The following GRIP1 variants were observed in gnomAD, a reference collection of about 807,000 sequenced individuals.
GRIP1 encodes the protein glutamate receptor interacting protein 1.
A neutral mutation model predicts 129.9 loss-of-function variants in GRIP1; 45 were observed. The observed-to-expected ratio is 0.35, with a 90% confidence interval of 0.27 to 0.44. The LOEUF (loss-of-function observed/expected upper bound fraction) is 0.44. GRIP1 is among the 20% of genes least tolerant of loss of function. The pLI, the probability that GRIP1 is intolerant of heterozygous loss-of-function variation, is 1.00. For synonymous variants in GRIP1, 530 were observed against 520.8 expected, an observed-to-expected ratio of 1.02 and a Z score of -0.24; for missense variants, 1,196 against 1,396.8, an observed-to-expected ratio of 0.86 and a Z score of 2.29.
intron 1 of GRIP1, among the ~76,000 whole-genome samples, chr12:66,738,844 A>G (rs1188044940): frequency 1.3e-5 from 2 of 152,198 alleles, no homozygotes; most frequent in Non-Finnish European, 2.9e-5. Flanking sequence ...ATGAAGGTGT[A>G]TATCTGTTTC....
intron 1 of GRIP1, among the ~76,000 whole-genome samples, chr12:66,651,361 G>A (rs2032781026): frequency 6.6e-6 from 1 of 152,182 alleles, no homozygotes; most frequent in Non-Finnish European, 1.5e-5. Flanking sequence ...CTGGAGGAGA[G>A]GCATCAGCAA....
intron 7 of GRIP1, among the ~76,000 whole-genome samples, chr12:66,503,007 G>A (rs765450101): frequency 3.3e-5 from 5 of 152,140 alleles, no homozygotes; most frequent in Non-Finnish European, 5.9e-5. Flanking sequence ...AATGTCAGGT[G>A]ATTATCAGGT....
chr12:66,362,140 ATCTT>A (rs869074418), intron 23 of GRIP1, among the ~76,000 whole-genome samples: 1 of 117,754 alleles, frequency 8.5e-6, no homozygotes, highest in African/African-American at 3.2e-5. Context: ...TACCAATTTA[ATCTT>A]TTTTTTTTTT....
chr12:66,602,623 G>T (rs993511733), intron 1 of GRIP1, among the ~76,000 whole-genome samples: 3 of 152,078 alleles, frequency 2.0e-5, no homozygotes, highest in Non-Finnish European at 4.4e-5. Context: ...GAAGATTAGG[G>T]AATGATCTGA....
chr12:67,019,018 A>G (rs545167137), intron 1 of GRIP1, among the ~76,000 whole-genome samples: 1 of 152,284 alleles, frequency 6.6e-6, no homozygotes, highest in South Asian at 2.1e-4. Flanking sequence ...TTAAATTCAC[A>G]TTATTAAATG....
intron 2 of GRIP1, among the ~76,000 whole-genome samples, chr12:66,551,758 TTG>T (rs2062145661): frequency 6.6e-6 from 1 of 151,932 alleles, no homozygotes; most frequent in African/African-American, 2.4e-5. Flanking sequence ...GTTGTTGTTG[TTG>T]TTGTACAGAT....
At chr12:66,943,068 A>G (rs1221146594) in intron 1 of GRIP1, among the ~76,000 whole-genome samples, 1 of 152,226 alleles carries the variant, frequency 6.6e-6, no homozygotes, top group Non-Finnish European at 1.5e-5. Context: ...CCAATGGACT[A>G]AAAGAGGTAC....
intron 1 of GRIP1, among the ~76,000 whole-genome samples, chr12:66,977,249 T>A (rs2042166813): frequency 1.3e-5 from 2 of 151,880 alleles, no homozygotes; most frequent in Admixed American, 1.3e-4. Flanking sequence ...TTTTTCTTTT[T>A]TTTTATTATT....
intron 19 of GRIP1, among the ~76,000 whole-genome samples, chr12:66,384,757 G>T (rs1394588861): frequency 6.6e-6 from 1 of 152,240 alleles, no homozygotes; most frequent in African/African-American, 2.4e-5. Flanking sequence ...GAGATGCTAA[G>T]TGAGTAGAGG....
chr12:66,521,397 T>A (rs115122120), intron 5 of GRIP1, among the ~76,000 whole-genome samples: 2,556 of 152,324 alleles, frequency 0.017, 76 homozygotes, highest in African/African-American at 0.059. Context: ...TACATATTTA[T>A]TAAGATGTTT....
rs1320644605 is a variant in GRIP1, at chr12:67,006,477, A to AC, written c.58+62572_58+62573insG. Among the ~76,000 whole-genome samples the AC allele has an allele frequency of 3.3e-5, 5 of 152,328 alleles. No individual in the cohort carries two copies. The South Asian group carries it at 8.3e-4, about 25-fold the overall frequency. On this transcript the variant is annotated intron_variant, in intron 1 of 1. Transcript: ENST00000643019. The stretch of plus-strand genomic sequence containing the variant: ...CTACCGGAGTGGTATAAAGGTGTGT[A>AC]GGGGAGGGGCTGAAGTGAGAGATCG...
chr12:66,426,818 T>C (rs1461477677), intron 14 of GRIP1, among the ~76,000 whole-genome samples: 1 of 152,338 alleles, frequency 6.6e-6, no homozygotes, highest in East Asian at 1.9e-4. Flanking sequence ...CTTGGCTATC[T>C]GGCTTCTTTA....
At chr12:66,826,209 A>G (rs560850821) in intron 1 of GRIP1, among the ~76,000 whole-genome samples, 1 of 152,134 alleles carries the variant, frequency 6.6e-6, no homozygotes, top group Non-Finnish European at 1.5e-5. Flanking sequence ...CGAACAGAAA[A>G]CCAAACACCT....
intron 1 of GRIP1, among the ~76,000 whole-genome samples, chr12:66,611,588 G>A (rs767150845): frequency 6.6e-6 from 1 of 152,086 alleles, no homozygotes; most frequent in Non-Finnish European, 1.5e-5. Flanking sequence ...AAACATTTGA[G>A]GAATAGCTGT....
intron 1 of GRIP1, among the ~76,000 whole-genome samples, chr12:66,868,807 A>T (rs562769577): frequency 6.6e-6 from 1 of 152,158 alleles, no homozygotes; most frequent in African/African-American, 2.4e-5. Context: ...ACATAAATAA[A>T]TCCCCAGGAG....
chr12:66,439,272 C>A (rs549144151), intron 13 of GRIP1, among the ~76,000 whole-genome samples: 48 of 152,264 alleles, frequency 3.2e-4, no homozygotes, highest in African/African-American at 1.1e-3. Flanking sequence ...GGTTGAGGAT[C>A]TTTACCTCCA....
At chr12:66,678,681 G>GGA (rs2034450518) in intron 1 of GRIP1, among the ~76,000 whole-genome samples, 169 bp downstream of exon 1, 1 of 151,976 alleles carries the variant, frequency 6.6e-6, no homozygotes, top group East Asian at 1.9e-4. Flanking sequence ...AGGACAGAAA[G>GGA]CAAAGCCGAG....
At chr12:66,841,535 G>T (rs1196363172) in intron 1 of GRIP1, among the ~76,000 whole-genome samples, 1 of 152,128 alleles carries the variant, frequency 6.6e-6, no homozygotes, top group East Asian at 1.9e-4. Flanking sequence ...AGCATTTTTT[G>T]ATTATTCAAG....
chr12:67,064,034 TGCAATAATG>T (rs1041997446), intron 1 of GRIP1, among the ~76,000 whole-genome samples: 1 of 152,180 alleles, frequency 6.6e-6, no homozygotes, highest in African/African-American at 2.4e-5. Flanking sequence ...AGGAAAAATA[TGCAATAATG>T]GCAAGTCTTT....
Sources: allele counts gnomAD v4.1 joint callset (sites outside exome capture counted in the v4.1 genomes callset), GRCh38; gene constraint gnomAD v4.1.1; transcripts MANE v1.5; gene names NCBI Gene and HGNC (gene_info 2026-07-23, HGNC 2026-07-21).